Variants in MYL3 observed in about 807,000 individuals in gnomAD.
The protein encoded by MYL3 is CMLC1.
A neutral mutation model predicts 21.3 loss-of-function variants in MYL3; 11 were observed. The observed-to-expected ratio is 0.52, with a 90% CI of 0.32 to 0.85. The LOEUF (loss-of-function observed/expected upper bound fraction) is 0.85, where lower values mean the gene tolerates loss of function less well. Among genes scored for constraint, MYL3 ranks in the 40% least tolerant of loss-of-function variants. The pLI, the probability that MYL3 is intolerant of heterozygous loss-of-function variation, is 0.03. For missense variants in MYL3, 206 were observed against 253.3 expected, an observed-to-expected ratio of 0.81 and a Z score of 1.27; for synonymous variants, 88 against 91.6, an observed-to-expected ratio of 0.96 and a Z score of 0.22.
At chr3:46,873,546 T>G (rs527845921) in intron 1 of MYL3, among the ~76,000 whole-genome samples, 2 of 152,146 alleles carry the variant, frequency 1.3e-5, no homozygotes, top group Non-Finnish European at 2.9e-5. Context: ...GAAAAATTGA[T>G]GTGGGGCCGC....
upstream of MYL3, chr3:46,866,284 G>A (rs1481677934): frequency 2.6e-5 from 4 of 152,464 alleles, no homozygotes; most frequent in African/African-American, 9.7e-5. Context: ...CTGGGGGTCT[G>A]GGTCCTACTG....
intron 1 of MYL3, 121 bp downstream of exon 1, chr3:46,863,141 A>C: frequency 6.9e-7 from 1 of 1,457,584 alleles, no homozygotes; most frequent in Non-Finnish European, 9.5e-7. Context: ...ACCTCTGCAC[A>C]GAAGCTTCCA....
chr3:46,858,863 C>T (rs1701960781), intron 4 of MYL3, among the ~76,000 whole-genome samples: 1 of 152,138 alleles, frequency 6.6e-6, no homozygotes, highest in African/African-American at 2.4e-5. Context: ...CTCCTGCCTC[C>T]GTACTTCTGT....
intron 1 of MYL3, among the ~76,000 whole-genome samples, chr3:46,871,502 G>C (rs1043779883): frequency 6.6e-6 from 1 of 152,002 alleles, no homozygotes; most frequent in African/African-American, 2.4e-5. Context: ...GAAGGCTCCC[G>C]ACCCATTCCT....
In MYL3 at chr3:46,863,317, G is replaced by T; in HGVS notation, c.74C>A (p.Pro25His). 6.2e-7 allele frequency: 1 copy of T among 1,614,120 alleles called. No homozygotes were observed. The change falls in exon 1 of 7, where the codon CCT becomes CAT. Residue 25 changes from proline (P) to histidine (H), a missense_variant. By Grantham distance (77) the Pro-to-His change is moderately conservative. Transcript: ENST00000292327. Reference sequence around the variant, plus strand: ...CTTAGGGCGCTCAGGCTCAGGGGGAGGTGCGGGAGCTGGAGCTGCCTTGGG... The same window carrying T: ...CTTAGGGCGCTCAGGCTCAGGGGGATGTGCGGGAGCTGGAGCTGCCTTGGG... ...AAPKAAPAPAPPPEPERPKEV... is the reference protein window; with the variant it reads ...AAPKAAPAPAHPPEPERPKEV...
intron 1 of MYL3, among the ~76,000 whole-genome samples, chr3:46,872,575 C>G (rs992232904): frequency 6.6e-6 from 1 of 152,184 alleles, no homozygotes; most frequent in African/African-American, 2.4e-5. Flanking sequence ...GAAGCCGTCA[C>G]CACCTCTCAG....
At position 46,874,500 on chromosome 3, in the gene MYL3, C is replaced by A. The variant is rs761645586; in HGVS notation, c.-218+7574G>T. Among the ~76,000 whole-genome samples, 2 of 152,172 alleles carry A rather than the reference C, an allele frequency of 1.3e-5. No homozygotes were observed. Among genetic ancestry groups the A allele is most frequent in the Non-Finnish European group, 2.9e-5 (2 of 68,030 alleles). On this transcript the variant is annotated intron_variant, in intron 1 of 3. Coordinates refer to the MYL3 transcript ENST00000431168. The surrounding 1 kb of genome is among the most constrained non-coding windows in gnomAD (Gnocchi z 4.1). ...GCAAGGACCCAGTGTCTGAGCTAAC[C>A]CCCTCCCCACCACCTCCTCCTTCCT...
In MYL3 at chr3:46,874,655, A is replaced by G. The variant is rs1173952275; in HGVS notation, c.-218+7419T>C. On this transcript the variant is annotated intron_variant, in intron 1 of 3. Coordinates refer to the MYL3 transcript ENST00000431168. The surrounding 1 kb of genome is among the most constrained non-coding windows in gnomAD (Gnocchi z 4.1). ...GCTCTTAAAGGTTATAAATAGCAGC[A>G]GCGGGAGCCCATGCAGGGAGAGGCG... 2.0e-5 allele frequency among the ~76,000 whole-genome samples: 3 copies of G among 152,224 alleles called. No homozygotes were observed. Among genetic ancestry groups the G allele is most frequent in the Admixed American group, 2.0e-4 (3 of 15,292 alleles).
rs1701979336 is a variant in MYL3 at position 46,860,524 on chromosome 3, C to G, written c.307+152G>C. 1.8e-6 allele frequency: 2 copies of G among 1,089,950 alleles called. No homozygotes were observed. Among genetic ancestry groups the G allele is most frequent in the Non-Finnish European group, 2.6e-6 (2 of 757,152 alleles). 67.5% of individuals were successfully genotyped at this position (1,089,950 alleles called of 1,614,324 possible). On this transcript the variant is annotated intron_variant, in intron 3 of 6. Coordinates refer to ENST00000292327, the MANE Select transcript of MYL3 (RefSeq NM_000258.3). The surrounding 1 kb of genome is among the most constrained non-coding windows in gnomAD (Gnocchi z 4.6). ...AAACCATTACTGCATGTCACCTGGT[C>G]GGCATGGCCCTGTGACTGGCCTCGG...
At chr3:46,862,684 C>G (rs1050147070) in intron 1 of MYL3, among the ~76,000 whole-genome samples, 1 of 152,216 alleles carries the variant, frequency 6.6e-6, no homozygotes. Flanking sequence ...GGTCATAGCT[C>G]CATGACCAGC....
At position 46,860,164 on chromosome 3, in the gene MYL3, C is replaced by T. The variant is rs1531136; in HGVS notation, c.307+512G>A. Among the ~76,000 whole-genome samples, 51,792 of 151,596 alleles carry T rather than the reference C, an allele frequency of 0.34. 14,655 individuals are homozygous for T. Among genetic ancestry groups the T allele is most frequent in the African/African-American group, 0.78 (32,145 of 41,314 alleles). Reference sequence around the variant, plus strand: ...TTTTAGACACGAGGTCTTCTTGTTACGTCACACAGACTGGAGTACAGTGGT... The same window carrying T: ...TTTTAGACACGAGGTCTTCTTGTTATGTCACACAGACTGGAGTACAGTGGT... On this transcript the variant is annotated intron_variant, in intron 3 of 6. Coordinates refer to ENST00000292327, the MANE Select transcript of MYL3 (RefSeq NM_000258.3). The surrounding 1 kb of genome is among the most constrained non-coding windows in gnomAD (Gnocchi z 4.6).
chr3:46,873,806 G>A (rs1212667532), intron 1 of MYL3, among the ~76,000 whole-genome samples: 3 of 152,174 alleles, frequency 2.0e-5, no homozygotes, highest in East Asian at 1.9e-4. Flanking sequence ...TGACTAGTCC[G>A]GGAGGCAGAG....
Position 46,859,698 on chromosome 3 carries a change from A to T in MYL3, c.308-50T>A. The T allele has an allele frequency of 6.2e-7, 1 of 1,601,634 alleles. No individual in the cohort carries two copies. On this transcript the variant is annotated intron_variant, in intron 3 of 6. Transcript: ENST00000292327. This position sits in a 1 kb window ranked among gnomAD's most constrained non-coding sequence, Gnocchi z 4.1. ...CAGGGTCTAAGGCTGGGGTGGGCAC[A>T]CCCCTCCCCCATGCCTGATAATGAG...
At chr3:46,868,951 G>C (rs565942015) in intron 1 of MYL3, among the ~76,000 whole-genome samples, 1 of 152,244 alleles carries the variant, frequency 6.6e-6, no homozygotes, top group African/African-American at 2.4e-5. Context: ...GGTGAGGTTC[G>C]GGATACCGGG....
At chr3:46,865,757 C>T (rs1273359135), upstream of MYL3, among the ~76,000 whole-genome samples, 4 of 152,156 alleles carry the variant, frequency 2.6e-5, no homozygotes, top group African/African-American at 9.7e-5. This position sits in a 1 kb window ranked among gnomAD's most constrained non-coding sequence, Gnocchi z 4.3. Flanking sequence ...CCTTCCTCCA[C>T]CTGTGTGTGG....
At chr3:46,864,926 T>G (rs1702033851), upstream of MYL3, among the ~76,000 whole-genome samples, 1 of 152,220 alleles carries the variant, frequency 6.6e-6, no homozygotes, top group South Asian at 2.1e-4. The surrounding 1 kb of genome is among the most constrained non-coding windows in gnomAD (Gnocchi z 4.7). Context: ...GTAAACACAT[T>G]GGGCTCTGTT....
At chr3:46,858,981 C>T (rs898905019) in intron 4 of MYL3, among the ~76,000 whole-genome samples, 9 of 152,182 alleles carry the variant, frequency 5.9e-5, no homozygotes, top group East Asian at 5.8e-4. Flanking sequence ...GAGACCAGCA[C>T]GGAGCTGAAA....
At chr3:46,876,964 G>C (rs964863698) in intron 1 of MYL3, among the ~76,000 whole-genome samples, 3 of 152,154 alleles carry the variant, frequency 2.0e-5, no homozygotes, top group African/African-American at 7.2e-5. Flanking sequence ...CCCTGGTTCT[G>C]AACACAGCTC....
intron 1 of MYL3, among the ~76,000 whole-genome samples, chr3:46,881,440 G>A (rs1165118051): frequency 6.6e-6 from 1 of 152,186 alleles, no homozygotes; most frequent in Admixed American, 6.5e-5. Context: ...TTTTGGGAGT[G>A]GGGGTGGGAA....
Sources: gnomAD v4.1 joint callset for allele counts (sites outside exome capture counted in the v4.1 genomes callset) on GRCh38, gnomAD v4.1.1 for gene constraint, Gnocchi (gnomAD v3.1) non-coding constraint, MANE v1.5 for transcripts, NCBI Gene and HGNC (gene_info 2026-07-23, HGNC 2026-07-21) for gene names.